The following PTCSC3 variants were observed in gnomAD, a reference collection of about 807,000 sequenced individuals.
PTCSC3 encodes the protein papillary thyroid carcinoma susceptibility candidate 3 (non-protein coding).
At chr14:36,153,410 G>A (rs997350833) in intron 3 of PTCSC3, among the ~76,000 whole-genome samples, 2 of 152,164 alleles carry the variant, frequency 1.3e-5, no homozygotes, top group East Asian at 1.9e-4. Flanking sequence ...CTAACTCTAC[G>A]CATCCATCAG....
At chr14:36,140,733 T>C (rs1174014406) in intron 3 of PTCSC3, among the ~76,000 whole-genome samples, 1 of 152,044 alleles carries the variant, frequency 6.6e-6, no homozygotes, top group African/African-American at 2.4e-5. Flanking sequence ...GAGCAGAAAA[T>C]TTTAATTTTA....
At chr14:36,140,176 T>A (rs183349535) in intron 3 of PTCSC3, among the ~76,000 whole-genome samples, 1 of 152,344 alleles carries the variant, frequency 6.6e-6, no homozygotes, top group East Asian at 1.9e-4. Context: ...ACATTTCTTT[T>A]TAGTGCTAAA....
At chr14:36,167,353 T>C (rs1935983375) in intron 1 of PTCSC3, among the ~76,000 whole-genome samples, 1 of 152,126 alleles carries the variant, frequency 6.6e-6, no homozygotes, top group African/African-American at 2.4e-5. Flanking sequence ...ATGCATAACT[T>C]CTAGAGATGC....
intron 3 of PTCSC3, among the ~76,000 whole-genome samples, chr14:36,152,252 A>T (rs1881739855): frequency 6.6e-6 from 1 of 152,178 alleles, no homozygotes. Context: ...AAATGAATAA[A>T]TTGGACTTTA....
At chr14:36,148,094 C>T (rs1297105645) in intron 3 of PTCSC3, among the ~76,000 whole-genome samples, 3 of 152,124 alleles carry the variant, frequency 2.0e-5, no homozygotes, top group Non-Finnish European at 4.4e-5. Flanking sequence ...TTTAAGTCTG[C>T]AGAAGTTACT....
At chr14:36,143,855 C>A (rs1269703653) in intron 3 of PTCSC3, among the ~76,000 whole-genome samples, 1 of 147,704 alleles carries the variant, frequency 6.8e-6, no homozygotes, top group African/African-American at 2.5e-5. Context: ...AGGAAGGGAT[C>A]CAGTTTCAGC....
chr14:36,161,151 C>T (rs1024421106), intron 2 of PTCSC3, among the ~76,000 whole-genome samples: 1 of 152,152 alleles, frequency 6.6e-6, no homozygotes, highest in African/African-American at 2.4e-5. Flanking sequence ...AGCTTCCTTG[C>T]ATTGGGTTAG....
intron 1 of PTCSC3, among the ~76,000 whole-genome samples, chr14:36,164,736 T>G (rs989946222): frequency 6.6e-6 from 1 of 152,224 alleles, no homozygotes; most frequent in Admixed American, 6.5e-5. Flanking sequence ...ACATTGTAGT[T>G]CTGCATTGCT....
intron 2 of PTCSC3, among the ~76,000 whole-genome samples, chr14:36,154,719 T>C (rs1430062484): frequency 6.6e-6 from 1 of 152,068 alleles, no homozygotes. Context: ...GGCCTCTCTC[T>C]CTTTCCTCTT....
intron 3 of PTCSC3, among the ~76,000 whole-genome samples, chr14:36,143,686 G>T (rs1363852129): frequency 6.1e-5 from 9 of 147,880 alleles, no homozygotes; most frequent in Admixed American, 3.4e-4. Context: ...GTCAATTTTG[G>T]CTTTTGTTGC....
intron 1 of PTCSC3, among the ~76,000 whole-genome samples, chr14:36,172,068 T>C (rs1882203231): frequency 6.6e-6 from 1 of 152,204 alleles, no homozygotes; most frequent in Non-Finnish European, 1.5e-5. Context: ...AAATTTTCTT[T>C]GCTTCCTTGA....
chr14:36,156,602 C>T (rs1303276553), intron 2 of PTCSC3, among the ~76,000 whole-genome samples: 1 of 152,022 alleles, frequency 6.6e-6, no homozygotes, highest in African/African-American at 2.4e-5. Flanking sequence ...GTGATGTTTC[C>T]CCTCCCTGTG....
chr14:36,145,326 C>A (rs1881535193), intron 3 of PTCSC3, among the ~76,000 whole-genome samples: 1 of 151,446 alleles, frequency 6.6e-6, no homozygotes, highest in Admixed American at 6.6e-5. Context: ...TGATTATTGC[C>A]CCAATTTCAG....
intron 3 of PTCSC3, chr14:36,136,372 A>T (rs544410454): frequency 6.6e-6 from 1 of 152,268 alleles, no homozygotes; most frequent in Non-Finnish European, 1.5e-5. Flanking sequence ...AAGAAAGGAC[A>T]GGATGAGGAT....
At chr14:36,143,139 G>T (rs1162547580) in intron 3 of PTCSC3, among the ~76,000 whole-genome samples, 25 of 150,136 alleles carry the variant, frequency 1.7e-4, no homozygotes, top group Non-Finnish European at 3.4e-4. Flanking sequence ...TGTCTTTATA[G>T]CAGCATGATT....
At chr14:36,154,352 G>A (rs1454498142) in intron 2 of PTCSC3, among the ~76,000 whole-genome samples, 1 of 151,932 alleles carries the variant, frequency 6.6e-6, no homozygotes, top group Admixed American at 6.6e-5. Context: ...TAAAAAACAG[G>A]TTATATAATA....
chr14:36,154,984 T>C (rs1594450879), intron 2 of PTCSC3, among the ~76,000 whole-genome samples: 1 of 152,186 alleles, frequency 6.6e-6, no homozygotes, highest in African/African-American at 2.4e-5. Context: ...ATCATATAAA[T>C]GAGAAAACAG....
chr14:36,147,432 C>T (rs553133338), intron 3 of PTCSC3, among the ~76,000 whole-genome samples: 1 of 152,146 alleles, frequency 6.6e-6, no homozygotes, highest in South Asian at 2.1e-4. Context: ...ATTGCTGATA[C>T]CCTTTCTTCC....
chr14:36,135,560 G>A (rs980366560), downstream of PTCSC3, among the ~76,000 whole-genome samples: 2 of 152,144 alleles, frequency 1.3e-5, no homozygotes, highest in African/African-American at 4.8e-5. Context: ...CAGCTGTGAT[G>A]TCTGCCTCTG....
Sources: gnomAD v4.1 joint callset for allele counts (sites outside exome capture counted in the v4.1 genomes callset) on GRCh38, gnomAD v4.1.1 for gene constraint, MANE v1.5 for transcripts, NCBI Gene and HGNC (gene_info 2026-07-23, HGNC 2026-07-21) for gene names.